Variants in CDH3 observed in about 807,000 individuals in gnomAD.
CDH3 encodes the protein cadherin-3.
A neutral mutation model predicts 82.0 loss-of-function variants in CDH3; 54 were observed. The observed-to-expected ratio is 0.66, with a 90% CI of 0.53 to 0.83. The LOEUF (loss-of-function observed/expected upper bound fraction) is 0.83, where lower values mean the gene tolerates loss of function less well. Among genes scored for constraint, CDH3 ranks in the 40% least tolerant of loss-of-function variants. The pLI is 0.00. For missense variants in CDH3, 1,054 were observed against 1,084.6 expected (o/e 0.97, Z 0.40); for synonymous variants, 446 against 437.9 (o/e 1.02, Z -0.23).
Position 68,700,281 on chromosome 16 carries a change from T to C in CDH3, c.*1881T>C, listed in dbSNP as rs1961871164. 1 of 152,236 alleles carries C rather than the reference T, an allele frequency of 6.6e-6. No homozygotes were observed. The highest frequency in any genetic ancestry group is 2.4e-5 in the African/African-American group (1 of 41,470). 9.4% of individuals were successfully genotyped at this position (152,236 alleles called of 1,614,324 possible). On this transcript the variant is annotated 3_prime_UTR_variant, in exon 16 of 16. Coordinates refer to ENST00000264012, the MANE Select transcript of CDH3 (RefSeq NM_001793.6). ...AAATTGCTGATGTTGAAATAAACATTTCCTTCCATGAGGATGACTAATTCT... is the reference window on the plus strand; with the variant it reads ...AAATTGCTGATGTTGAAATAAACATCTCCTTCCATGAGGATGACTAATTCT...
At chr16:68,717,983 T>C (rs768824563) in intron 1 of CDH3, among the ~76,000 whole-genome samples, 6 of 152,000 alleles carry the variant, frequency 3.9e-5, no homozygotes, top group Non-Finnish European at 8.8e-5. Context: ...CCTTTTCTTT[T>C]CTTTTTTTCT....
At chr16:68,658,386 C>T (rs193255771) in intron 2 of CDH3, among the ~76,000 whole-genome samples, 72 of 152,230 alleles carry the variant, frequency 4.7e-4, no homozygotes, top group Admixed American at 1.2e-3. Flanking sequence ...TGGCCTGAGG[C>T]GAGTTACTGA....
At chr16:68,670,495 G>C (rs1960858376) in intron 2 of CDH3, among the ~76,000 whole-genome samples, 1 of 152,058 alleles carries the variant, frequency 6.6e-6, no homozygotes, top group African/African-American at 2.4e-5. Context: ...GTTTTGCTCT[G>C]TCTCCAGCTG....
At chr16:68,694,816 A>G (rs1162954049) in intron 13 of CDH3, among the ~76,000 whole-genome samples, 1 of 152,156 alleles carries the variant, frequency 6.6e-6, no homozygotes, top group African/African-American at 2.4e-5. Flanking sequence ...AGGTTTTCTT[A>G]AGGATCAGTA....
At chr16:68,678,098 T>C (rs745955311) in intron 3 of CDH3, 36 bp from the exon 4 acceptor site, 61 of 1,593,560 alleles carry the variant, frequency 3.8e-5, no homozygotes, top group Non-Finnish European at 4.9e-5. Flanking sequence ...TCCCAGCTAT[T>C]TGCACATCTG....
chr16:68,715,888 C>T (rs1365075678), intron 1 of CDH3, among the ~76,000 whole-genome samples: 1 of 152,214 alleles, frequency 6.6e-6, no homozygotes, highest in Non-Finnish European at 1.5e-5. Flanking sequence ...CCCAGTAACT[C>T]CACTTGGAGA....
At chr16:68,723,922 A>G (rs1456704512) in intron 2 of CDH3, among the ~76,000 whole-genome samples, 5 of 152,118 alleles carry the variant, frequency 3.3e-5, no homozygotes, top group African/African-American at 9.7e-5. Flanking sequence ...ACAAAAAATT[A>G]GCCGGGCATA....
chr16:68,689,813 G>T (rs1050066572), intron 12 of CDH3, among the ~76,000 whole-genome samples: 2 of 151,590 alleles, frequency 1.3e-5, no homozygotes, highest in African/African-American at 2.4e-5. Context: ...TGAAATCTGT[G>T]CTGAGATAGG....
chr16:68,677,525 G>A (rs1961064896), intron 3 of CDH3, among the ~76,000 whole-genome samples: 1 of 152,196 alleles, frequency 6.6e-6, no homozygotes, highest in Non-Finnish European at 1.5e-5. Flanking sequence ...CTTGCTTGAG[G>A]TCAGGAGTTC....
intron 11 of CDH3, 51 bp from the exon 12 acceptor site, chr16:68,687,461 G>A: frequency 6.7e-7 from 1 of 1,488,518 alleles, no homozygotes; most frequent in Non-Finnish European, 9.4e-7. Context: ...GCCCCCCTGA[G>A]GCTGACTGGG....
intron 1 of CDH3, among the ~76,000 whole-genome samples, chr16:68,715,959 C>T (rs1245942345): frequency 2.0e-5 from 3 of 152,294 alleles, no homozygotes; most frequent in Non-Finnish European, 4.4e-5. Context: ...AGGATTTCCT[C>T]GCAACATTGC....
intron 2 of CDH3, among the ~76,000 whole-genome samples, chr16:68,667,574 C>T (rs975149859): frequency 2.0e-5 from 3 of 152,182 alleles, no homozygotes; most frequent in Admixed American, 2.0e-4. Flanking sequence ...AGGGTATTCC[C>T]TTGGGAGTAT....
At chr16:68,678,035 T>C (rs1961081705) in intron 3 of CDH3, 99 bp from the exon 4 acceptor site, 4 of 1,140,136 alleles carry the variant, frequency 3.5e-6, no homozygotes, top group Admixed American at 3.4e-5. Context: ...AGGCGTGAGC[T>C]ACCATGCCCA....
At chr16:68,674,853 G>A (rs750947703) in intron 2 of CDH3, among the ~76,000 whole-genome samples, 18 of 152,148 alleles carry the variant, frequency 1.2e-4, no homozygotes, top group Non-Finnish European at 2.6e-4. Flanking sequence ...AGTGGCTCAC[G>A]CCTGTAATCC....
chr16:68,682,181 T>C, intron 8 of CDH3, 121 bp from the exon 9 acceptor site: 1 of 1,099,074 alleles, frequency 9.1e-7, no homozygotes, highest in Non-Finnish European at 1.3e-6. Context: ...GCAAAGTGGG[T>C]GGGTGGTCCA....
intron 2 of CDH3, among the ~76,000 whole-genome samples, chr16:68,664,627 G>C (rs1960685980): frequency 6.6e-6 from 1 of 152,138 alleles, no homozygotes; most frequent in Admixed American, 6.5e-5. Flanking sequence ...AAACTGGTGA[G>C]ATGTGAATGA....
intron 2 of CDH3, among the ~76,000 whole-genome samples, chr16:68,723,782 G>A (rs1447027433): frequency 6.6e-6 from 1 of 151,852 alleles, no homozygotes; most frequent in African/African-American, 2.4e-5. Context: ...AATTAGCCGG[G>A]TGTGAGGCCG....
downstream of CDH3, among the ~76,000 whole-genome samples, chr16:68,704,411 G>A (rs928048795): frequency 1.1e-4 from 16 of 152,070 alleles, no homozygotes; most frequent in Non-Finnish European, 2.2e-4. Flanking sequence ...GCGCTCCCTT[G>A]GTGGAAACTG....
intron 2 of CDH3, among the ~76,000 whole-genome samples, chr16:68,670,388 C>A (rs548537077): frequency 3.9e-5 from 6 of 152,204 alleles, no homozygotes; most frequent in Admixed American, 6.5e-5. Flanking sequence ...CCCCTCACCC[C>A]CAGCCCTAGT....
Sources: allele counts gnomAD v4.1 joint callset (sites outside exome capture counted in the v4.1 genomes callset), GRCh38; gene constraint gnomAD v4.1.1; transcripts MANE v1.5; gene names NCBI Gene and HGNC (gene_info 2026-07-23, HGNC 2026-07-21).